Variants in PPP2R5C observed in about 807,000 individuals in gnomAD.
The protein encoded by PPP2R5C is protein phosphatase 2 regulatory subunit B'gamma, also known as serine/threonine-protein phosphatase 2A 56 kDa regulatory subunit gamma isoform.
Under a neutral mutation model 68.9 loss-of-function variants are expected in PPP2R5C, and 7 were observed. The observed-to-expected ratio is 0.10, with a 90% CI of 0.06 to 0.19. The LOEUF is 0.19. Among genes scored for constraint, PPP2R5C ranks in the 10% least tolerant of loss-of-function variants. The pLI is 1.00. For synonymous variants in PPP2R5C, 210 were observed against 222.2 expected (o/e 0.95, Z 0.49); for missense variants, 348 against 641.3 (o/e 0.54, Z 4.94).
At chr14:101,817,909 C>T (rs774460277) in intron 1 of PPP2R5C, 1 of 152,198 alleles carries the variant, frequency 6.6e-6, no homozygotes, top group Non-Finnish European at 1.5e-5. Flanking sequence ...TCGTAGGTCA[C>T]GTATGGTACT....
chr14:101,856,364 GT>G (rs552962654), intron 1 of PPP2R5C, among the ~76,000 whole-genome samples: 239 of 152,278 alleles, frequency 1.6e-3, no homozygotes, highest in African/African-American at 5.5e-3. Context: ...GCCCGACACG[GT>G]GCCTGTGATC....
At position 101,765,568 on chromosome 14, in the gene PPP2R5C, C is replaced by CTT. The variant is rs568558671; in HGVS notation, c.93+2614_93+2615dup. ...TGACATTCCCATGCTGCTTTCAAGC[C>CTT]TTTTTTTTTTTTTTTTTGAGACAGA... is the stretch of plus-strand genomic sequence containing the variant. On this transcript the variant is annotated intron_variant, in intron 2 of 14. Transcript: ENST00000328724. 3.7e-3 allele frequency: 570 copies of CTT among 152,758 alleles called. 2 individuals are homozygous for CTT. The highest frequency in any genetic ancestry group is 0.012 in the African/African-American group (411 of 35,128). The allele number at this position is 152,758 out of a possible 1,614,324, so 9.5% of individuals were successfully genotyped here.
At chr14:101,890,899 A>C (rs2044849484) in intron 6 of PPP2R5C, among the ~76,000 whole-genome samples, 1 of 150,654 alleles carries the variant, frequency 6.6e-6, no homozygotes, top group Non-Finnish European at 1.5e-5. Flanking sequence ...CAGCCTCCCG[A>C]GTAGCTGGGA....
intron 5 of PPP2R5C, chr14:101,889,929 G>A (rs934782817): frequency 2.2e-5 from 11 of 506,178 alleles, no homozygotes; most frequent in South Asian, 9.4e-5. Context: ...GCTCGTGGTC[G>A]AATCTGGTGG....
At chr14:101,769,396 A>G (rs1026814814) in intron 2 of PPP2R5C, among the ~76,000 whole-genome samples, 2 of 152,212 alleles carry the variant, frequency 1.3e-5, no homozygotes, top group African/African-American at 4.8e-5. Flanking sequence ...ATTAGGGCCT[A>G]GAGTCAAGAA....
chr14:101,764,801 C>CTTTTTTTTTTTTTTTTTTTTGTT (rs34973768), intron 2 of PPP2R5C, among the ~76,000 whole-genome samples: 1 of 129,372 alleles, frequency 7.7e-6, no homozygotes. Context: ...TGCTATATGC[C>CTTTTTTTTTTTTTTTTTTTTGTT]TTTTTTTTTT....
intron 2 of PPP2R5C, among the ~76,000 whole-genome samples, chr14:101,858,463 T>C (rs2042559829): frequency 6.6e-6 from 1 of 152,078 alleles, no homozygotes. Context: ...GTTTATCATT[T>C]CTTTGTGTTA....
At chr14:101,777,966 C>T (rs1032807462) in intron 2 of PPP2R5C, among the ~76,000 whole-genome samples, 1 of 151,852 alleles carries the variant, frequency 6.6e-6, no homozygotes, top group Non-Finnish European at 1.5e-5. Context: ...AAAGGGGTCT[C>T]ACTATATTGC....
intron 2 of PPP2R5C, chr14:101,766,724 AG>A (rs1226981832): frequency 6.6e-6 from 1 of 152,230 alleles, no homozygotes; most frequent in Non-Finnish European, 1.5e-5. Context: ...TTAAGGAAAG[AG>A]GCAAAAAACG....
chr14:101,815,817 A>G (rs543223365), intron 1 of PPP2R5C, among the ~76,000 whole-genome samples: 23 of 152,180 alleles, frequency 1.5e-4, no homozygotes, highest in Middle Eastern at 3.4e-3. Context: ...TTACAGGTGC[A>G]TGCCACCACG....
chr14:101,831,783 A>G, intron 1 of PPP2R5C: 1 of 702,268 alleles, frequency 1.4e-6, no homozygotes, highest in Non-Finnish European at 2.6e-6. Flanking sequence ...CGACTGTGGG[A>G]CTTGAATATG....
intron 1 of PPP2R5C, among the ~76,000 whole-genome samples, chr14:101,828,515 T>C (rs1331205542): frequency 1.3e-5 from 2 of 152,144 alleles, no homozygotes; most frequent in Admixed American, 1.3e-4. Context: ...GGATACTCTG[T>C]ATGCTTGTAC....
At chr14:101,858,785 G>A (rs2042587047) in intron 2 of PPP2R5C, among the ~76,000 whole-genome samples, 1 of 152,132 alleles carries the variant, frequency 6.6e-6, no homozygotes, top group African/African-American at 2.4e-5. Context: ...TAAGAGGGAA[G>A]AATCTACAAA....
chr14:101,890,408 T>G, intron 6 of PPP2R5C, 112 bp downstream of exon 8: 4 of 1,015,370 alleles, frequency 3.9e-6, no homozygotes, highest in Middle Eastern at 2.1e-4. Flanking sequence ...AACCATTCTC[T>G]AAAAGAATTC....
chr14:101,884,225 T>G (rs3783365), intron 5 of PPP2R5C, among the ~76,000 whole-genome samples: 18,626 of 152,200 alleles, frequency 0.12, 1,788 homozygotes, highest in African/African-American at 0.26. Context: ...CCCTTCCACG[T>G]TCCTCTGCCT....
chr14:101,857,074 A>G (rs1320041494), intron 2 of PPP2R5C, among the ~76,000 whole-genome samples, 189 bp downstream of exon 4: 1 of 152,228 alleles, frequency 6.6e-6, no homozygotes, highest in Non-Finnish European at 1.5e-5. Context: ...AAGGGAAGTC[A>G]GTTGTCTTCT....
At chr14:101,861,618 G>A (rs1280481762) in intron 2 of PPP2R5C, among the ~76,000 whole-genome samples, 1 of 152,168 alleles carries the variant, frequency 6.6e-6, no homozygotes, top group African/African-American at 2.4e-5. Flanking sequence ...CATGACCCTT[G>A]TGCACACATG....
At chr14:101,809,843 C>T, upstream of PPP2R5C, 1 of 1,483,844 alleles carries the variant, frequency 6.7e-7, no homozygotes, top group Non-Finnish European at 8.9e-7. Flanking sequence ...CCAGTTCCCT[C>T]CAGCTGCAGA....
intron 2 of PPP2R5C, among the ~76,000 whole-genome samples, chr14:101,859,835 C>T (rs373559003): frequency 1.3e-5 from 2 of 152,022 alleles, no homozygotes; most frequent in African/African-American, 4.8e-5. Context: ...TTAGCCATGC[C>T]TGTTTTTCTC....
Sources: gnomAD v4.1 joint callset for allele counts (sites outside exome capture counted in the v4.1 genomes callset) on GRCh38, gnomAD v4.1.1 for gene constraint, MANE v1.5 for transcripts, NCBI Gene and HGNC (gene_info 2026-07-23, HGNC 2026-07-21) for gene names.